Variants in SNX5 observed in about 807,000 individuals in gnomAD.
The protein encoded by SNX5 is sorting nexin-5.
Under a neutral mutation model 53.9 loss-of-function variants are expected in SNX5, and 31 were observed. That is an observed-to-expected ratio of 0.58 (90% CI 0.43 to 0.78). SNX5 has a LOEUF of 0.78. Ranked by LOEUF, SNX5 falls within the 30% of genes least tolerant of loss-of-function variation. SNX5 has a pLI of 0.00. For missense variants in SNX5, 471 were observed against 478.8 expected (o/e 0.98, Z 0.15); for synonymous variants, 168 against 171.1 (o/e 0.98, Z 0.14).
rs2035313040 is a variant in SNX5 at position 17,954,131 on chromosome 20, A to G, written c.268-14T>C. On this transcript the variant is annotated splice_polypyrimidine_tract_variant and intron_variant, in intron 3 of 12. Coordinates refer to ENST00000377759, the MANE Select transcript of SNX5 (RefSeq NM_014426.4). Reference sequence around the variant, plus strand: ...AGCAGGTGGAATCTGCAGCAGAGGCAGGAACTCATGAGCCTCTTGTCCCAG... The same window carrying G: ...AGCAGGTGGAATCTGCAGCAGAGGCGGGAACTCATGAGCCTCTTGTCCCAG... 1.2e-6 allele frequency: 2 copies of G among 1,612,838 alleles called. No homozygotes were observed. Among genetic ancestry groups the G allele is most frequent in the Non-Finnish European group, 1.7e-6 (2 of 1,179,332 alleles).
Position 17,952,695 on chromosome 20 carries a change from C to T in SNX5, c.405G>A (p.Val135=). Residue 135 remains valine, a synonymous_variant, in exon 5 of 13, where the codon GTG becomes GTA. Transcript: ENST00000377759. ...KQELEAEYLA[V]FKKTVSSHEV... Reference sequence around the variant, plus strand: ...CATGGGAGGACACAGTCTTCTTAAACACAGCGAGATACTCACTGAAAAGAG... The same window carrying T: ...CATGGGAGGACACAGTCTTCTTAAATACAGCGAGATACTCACTGAAAAGAG... 1 of 1,613,750 alleles carries T rather than the reference C, an allele frequency of 6.2e-7. No individual in the cohort carries two copies. Among genetic ancestry groups the T allele is most frequent in the Non-Finnish European group, 8.5e-7 (1 of 1,179,874 alleles).
At position 17,968,658 on chromosome 20, in the gene SNX5, C is replaced by G. The variant is rs532832909; in HGVS notation, c.-233G>C. 4.7e-4 allele frequency: 283 copies of G among 605,606 alleles called. 3 individuals carry two copies. The East Asian group carries it at 0.01, about 22-fold the overall frequency. 37.5% of individuals were successfully genotyped at this position (605,606 alleles called of 1,614,324 possible). On this transcript the variant is annotated 5_prime_UTR_variant, in exon 1 of 13. Transcript: ENST00000377759. ...AGAGCAGCCTCCCAGTCCCCGCTGC[C>G]GTCCATCTTGGAGCCGGGCAAAGAC... is the stretch of plus-strand genomic sequence containing the variant.
chr20:17,947,164 G>A (rs113680507), intron 11 of SNX5: 126 of 230,976 alleles, frequency 5.5e-4, no homozygotes, highest in African/African-American at 2.4e-3. Context: ...CCAAAGTTAA[G>A]TTTATCACAG....
Position 17,968,571 on chromosome 20 carries a change from C to T in SNX5, c.-146G>A. 1 of 722,552 alleles carries T rather than the reference C, an allele frequency of 1.4e-6. No individual in the cohort carries two copies. The allele number at this position is 722,552 out of a possible 1,614,324, so 44.8% of individuals were successfully genotyped here. ...CTGCCCGACGGCGGCAGGAGGCCTC[C>T]GGACTCCGCCACCATCCCAGCTGCC... On this transcript the variant is annotated 5_prime_UTR_variant, in exon 1 of 13. Coordinates refer to ENST00000377759, the MANE Select transcript of SNX5 (RefSeq NM_014426.4).
intron 12 of SNX5, 26 bp from the exon 13 acceptor site, chr20:17,942,433 C>T (rs977044334): frequency 6.3e-7 from 1 of 1,579,872 alleles, no homozygotes; most frequent in Non-Finnish European, 8.7e-7. Flanking sequence ...GCAAGGCAGA[C>T]CAGTGAATTA....
At chr20:17,952,092 G>A (rs1021603782) in intron 5 of SNX5, among the ~76,000 whole-genome samples, 1 of 152,078 alleles carries the variant, frequency 6.6e-6, no homozygotes, top group Non-Finnish European at 1.5e-5. Context: ...GTGTGGTGGT[G>A]GGCACCTGTA....
chr20:17,960,010 C>G (rs550321002), intron 1 of SNX5, among the ~76,000 whole-genome samples: 1 of 152,124 alleles, frequency 6.6e-6, no homozygotes, highest in Non-Finnish European at 1.5e-5. Context: ...TTACAGTGGC[C>G]GTTTACAACA....
At chr20:17,962,106 T>G in intron 1 of SNX5, 1 of 429,788 alleles carries the variant, frequency 2.3e-6, no homozygotes. Context: ...AACTAATACG[T>G]ACCTATCTGT....
intron 1 of SNX5, among the ~76,000 whole-genome samples, chr20:17,967,207 CAGAA>C (rs1224114285): frequency 2.6e-5 from 4 of 151,882 alleles, no homozygotes; most frequent in African/African-American, 7.3e-5. Flanking sequence ...AAGAATGTAC[CAGAA>C]AGAAAGAAAA....
chr20:17,951,418 C>T (rs1372233371), intron 6 of SNX5, 82 bp downstream of exon 6: 2 of 810,930 alleles, frequency 2.5e-6, no homozygotes, highest in Non-Finnish European at 4.2e-6. Context: ...ATTTGTTTCA[C>T]AAGTATCTCT....
At chr20:17,962,617 C>T (rs972636775) in intron 1 of SNX5, 3 of 457,636 alleles carry the variant, frequency 6.6e-6, no homozygotes, top group Admixed American at 4.8e-5. Flanking sequence ...GAACTAAAGA[C>T]TTCTAACAGA....
At chr20:17,964,009 G>A (rs1034048918) in intron 1 of SNX5, among the ~76,000 whole-genome samples, 1 of 152,106 alleles carries the variant, frequency 6.6e-6, no homozygotes, top group African/African-American at 2.4e-5. Context: ...GCAGGAAGAT[G>A]GCCTGAGCTC....
intron 1 of SNX5, among the ~76,000 whole-genome samples, chr20:17,965,122 C>A (rs1389409910): frequency 6.6e-6 from 1 of 152,216 alleles, no homozygotes; most frequent in African/African-American, 2.4e-5. Flanking sequence ...TTCTGTAACA[C>A]AACCTGACCC....
At chr20:17,967,941 A>AC (rs1491238637) in intron 1 of SNX5, 1 of 389,492 alleles carries the variant, frequency 2.6e-6, no homozygotes, top group Admixed American at 4.5e-5. Flanking sequence ...CCCCCCCCCC[A>AC]AAAAAGTCTT....
rs550125314 is a variant in SNX5, at chr20:17,941,958, G to A, written c.*399C>T. On this transcript the variant is annotated 3_prime_UTR_variant, in exon 13 of 13. Coordinates refer to ENST00000377759, the MANE Select transcript of SNX5 (RefSeq NM_014426.4). ...AGTGAGGAATGGAAGGTCTGTTACC[G>A]ACCTCAAGTAGCTGAATCACCTGCT... 1.4e-4 allele frequency: 24 copies of A among 169,214 alleles called. No individual in the cohort carries two copies. Among genetic ancestry groups the A allele is most frequent in the South Asian group, 1.3e-3 (9 of 7,174 alleles). The allele number at this position is 169,214 out of a possible 1,614,324, so 10.5% of individuals were successfully genotyped here. A position where few individuals can be genotyped will look rare whatever the true frequency, so the allele number is the denominator to read the frequency against.
chr20:17,955,843 T>C (rs2122387823), intron 2 of SNX5, among the ~76,000 whole-genome samples: 1 of 152,346 alleles, frequency 6.6e-6, no homozygotes, highest in East Asian at 1.9e-4. Flanking sequence ...TGGAGTGCAG[T>C]GGAATGATCT....
At chr20:17,948,812 C>T in intron 10 of SNX5, 78 bp downstream of exon 10, 1 of 1,115,762 alleles carries the variant, frequency 9.0e-7, no homozygotes, top group Non-Finnish European at 1.3e-6. Flanking sequence ...TCTTATTCTG[C>T]TCCTTTGTAT....
chr20:17,957,421 C>G (rs1288050858), intron 1 of SNX5, among the ~76,000 whole-genome samples: 1 of 129,942 alleles, frequency 7.7e-6, no homozygotes, highest in Non-Finnish European at 1.6e-5. Flanking sequence ...GGCGACAGAG[C>G]GAAACTGTCT....
At chr20:17,948,692 A>C (rs79236126) in intron 10 of SNX5, among the ~76,000 whole-genome samples, 198 bp downstream of exon 10, 3 of 152,324 alleles carry the variant, frequency 2.0e-5, no homozygotes, top group Non-Finnish European at 4.4e-5. Flanking sequence ...ATAATCCCCC[A>C]AACTATTACC....
Sources: allele counts gnomAD v4.1 joint callset (sites outside exome capture counted in the v4.1 genomes callset), GRCh38; gene constraint gnomAD v4.1.1; transcripts MANE v1.5; gene names NCBI Gene and HGNC (gene_info 2026-07-23, HGNC 2026-07-21).